IMPACT: variants seen among roughly 807,000 people sequenced by gnomAD.
The protein encoded by IMPACT is impact RWD domain protein.
In IMPACT, 35 loss-of-function variants were observed where a neutral mutation model predicts 47.5. The observed-to-expected ratio is 0.74, with a 90% CI of 0.56 to 0.98. The LOEUF is 0.98. IMPACT is among the 50% of genes least tolerant of loss of function. The probability of loss-of-function intolerance (pLI) is 0.00; values close to 1 mark genes in which losing one functional copy is unlikely to be tolerated. For synonymous variants in IMPACT, 118 were observed against 125.6 expected (o/e 0.94, Z 0.40); for missense variants, 373 against 394.8 (o/e 0.94, Z 0.47).
chr18:24,437,816 C>G, intron 4 of IMPACT, 139 bp from the exon 5 acceptor site: 1 of 579,486 alleles, frequency 1.7e-6, no homozygotes, highest in South Asian at 2.3e-5. Flanking sequence ...TGATAAACCC[C>G]AGGTTTTTAT....
At chr18:24,441,926 T>C (rs1909125261) in intron 6 of IMPACT, among the ~76,000 whole-genome samples, 1 of 152,220 alleles carries the variant, frequency 6.6e-6, no homozygotes, top group Non-Finnish European at 1.5e-5. Flanking sequence ...ATACTATCAA[T>C]TGGTCAGTAG....
intron 4 of IMPACT, among the ~76,000 whole-genome samples, chr18:24,432,651 C>T (rs1599761743): frequency 6.6e-6 from 1 of 152,020 alleles, no homozygotes; most frequent in East Asian, 1.9e-4. Flanking sequence ...TTTTGTGCCC[C>T]CAACAAACTT....
At chr18:24,430,476 A>G (rs1908724586) in intron 4 of IMPACT, 92 bp downstream of exon 4, 2 of 855,108 alleles carry the variant, frequency 2.3e-6, no homozygotes, top group Non-Finnish European at 3.6e-6. Flanking sequence ...GAACCTCTCT[A>G]AACTTTTTAA....
At chr18:24,449,678 T>C (rs2144351030) in intron 9 of IMPACT, 141 bp from the exon 10 acceptor site, 3 of 651,422 alleles carry the variant, frequency 4.6e-6, no homozygotes, top group South Asian at 3.9e-5. Context: ...CAGTGCCTAC[T>C]CACTCATATG....
rs1909413172 is a variant in IMPACT at position 24,452,550 on chromosome 18, T to C, written c.*1703T>C. The C allele has an allele frequency of 6.6e-6, 1 of 152,170 alleles. No individual in the cohort carries two copies. The highest frequency in any genetic ancestry group is 6.6e-5 in the Admixed American group (1 of 15,264). 9.4% of individuals were successfully genotyped at this position (152,170 alleles called of 1,614,324 possible). On this transcript the variant is annotated 3_prime_UTR_variant, in exon 11 of 11. Coordinates refer to ENST00000284202, the MANE Select transcript of IMPACT (RefSeq NM_018439.4). The stretch of plus-strand genomic sequence containing the variant: ...TTATACAGAATTATTAACTATATTT[T>C]ACTAACTAAAAAACTCTAGTATTCT...
At position 24,434,499 on chromosome 18, in the gene IMPACT, G is replaced by A. The variant is rs192017663; in HGVS notation, c.282-3456G>A. ...ATACTTAAAAATATATTGGCCAGGC[G>A]CAGTGGCTCATGCCTGTAATCCCAG... On this transcript the variant is annotated intron_variant, in intron 4 of 10. Coordinates refer to ENST00000284202, the MANE Select transcript of IMPACT (RefSeq NM_018439.4). Among the ~76,000 whole-genome samples, 656 of 152,166 alleles carry A rather than the reference G, an allele frequency of 4.3e-3. 4 individuals carry two copies. The highest frequency in any genetic ancestry group is 0.014 in the African/African-American group (598 of 41,518).
rs1909292376 is a variant in IMPACT at position 24,448,166 on chromosome 18, C to T, written c.742C>T (p.Leu248Phe). ...TGGGGAAACAGCAGCTGGTGGGCGT[C>T]TTCTTCATCTCATGGAGGTAGGTGT... is the stretch of plus-strand genomic sequence containing the variant. ...DDGETAAGGRLLHLMEILNVK... is the reference protein window; with the variant it reads ...DDGETAAGGRFLHLMEILNVK... Residue 248 changes from leucine (L) to phenylalanine (F), a missense_variant, in exon 9 of 11, where the codon CTT becomes TTT. By Grantham distance (22) the Leu-to-Phe change is conservative. Transcript: ENST00000284202. 3 of 1,612,442 alleles carry T rather than the reference C, an allele frequency of 1.9e-6. No individual in the cohort carries two copies. The highest frequency in any genetic ancestry group is 2.5e-6 in the Non-Finnish European group (3 of 1,178,562).
In IMPACT at chr18:24,451,581, C is replaced by T. The variant is rs1024401541; in HGVS notation, c.*734C>T. ...AATAAATATGGAGTGTCAGTAGTCT[C>T]CTTCCACCCCAGAAATGTGTTGGTG... On this transcript the variant is annotated 3_prime_UTR_variant, in exon 11 of 11. Transcript: ENST00000284202. 2 of 152,146 alleles carry T rather than the reference C, an allele frequency of 1.3e-5. No individual in the cohort carries two copies. The highest frequency in any genetic ancestry group is 1.9e-4 in the East Asian group (1 of 5,200). The allele number at this position is 152,146 out of a possible 1,614,324, so 9.4% of individuals were successfully genotyped here.
chr18:24,447,060 G>A (rs979268621), intron 8 of IMPACT, among the ~76,000 whole-genome samples: 2 of 151,928 alleles, frequency 1.3e-5, no homozygotes, highest in Non-Finnish European at 2.9e-5. Context: ...CAACAATCTT[G>A]TATCTAAGCT....
At chr18:24,428,943 A>G (rs753386593) in intron 3 of IMPACT, 22 bp downstream of exon 3, 1 of 1,555,908 alleles carries the variant, frequency 6.4e-7, no homozygotes, top group Non-Finnish European at 8.8e-7. Flanking sequence ...TTCTACGTTT[A>G]TATTGCTATA....
At chr18:24,428,462 A>G (rs1261943172) in intron 2 of IMPACT, among the ~76,000 whole-genome samples, 1 of 152,202 alleles carries the variant, frequency 6.6e-6, no homozygotes, top group Non-Finnish European at 1.5e-5. Context: ...TGTAGTTAGG[A>G]TAAAATAAAT....
chr18:24,450,445 T>C (rs1367675320), intron 10 of IMPACT, among the ~76,000 whole-genome samples: 1 of 152,232 alleles, frequency 6.6e-6, no homozygotes, highest in African/African-American at 2.4e-5. Flanking sequence ...TATGTTCATA[T>C]CTGCCTTATT....
rs145309473 is a variant in IMPACT, at chr18:24,428,731, T to C, written c.166-138T>C. 4,404 of 594,686 alleles carry C rather than the reference T, an allele frequency of 7.4e-3. 68 individuals are homozygous for C. Among genetic ancestry groups the C allele is most frequent in the Non-Finnish European group, 5.9e-3 (1,974 of 335,828 alleles). The allele number at this position is 594,686 out of a possible 1,614,324, so 36.8% of individuals were successfully genotyped here. A position where few individuals can be genotyped will look rare whatever the true frequency, so the allele number is the denominator to read the frequency against. On this transcript the variant is annotated intron_variant, in intron 2 of 10. Coordinates refer to ENST00000284202, the MANE Select transcript of IMPACT (RefSeq NM_018439.4). ...ACTTCATCCACTTGGGGTCAGGGTA[T>C]AATGTCCATATTTCAGTTTTCCTTT...
At chr18:24,446,834 C>T (rs573071897) in intron 8 of IMPACT, among the ~76,000 whole-genome samples, 20 of 152,248 alleles carry the variant, frequency 1.3e-4, no homozygotes, top group African/African-American at 4.6e-4. Flanking sequence ...TTAAAATGGG[C>T]TGTAAAAATT....
intron 7 of IMPACT, among the ~76,000 whole-genome samples, chr18:24,443,772 G>T (rs1909177743): frequency 6.6e-6 from 1 of 152,046 alleles, no homozygotes; most frequent in Non-Finnish European, 1.5e-5. Flanking sequence ...GGATATAAAT[G>T]GGAGAGGTTT....
chr18:24,443,605 A>G (rs1359423622), intron 7 of IMPACT, among the ~76,000 whole-genome samples: 1 of 152,202 alleles, frequency 6.6e-6, no homozygotes, highest in Non-Finnish European at 1.5e-5. Context: ...AAAAAGAATT[A>G]TTTGTCCTGT....
At chr18:24,434,521 C>G (rs1252214103) in intron 4 of IMPACT, among the ~76,000 whole-genome samples, 3 of 151,838 alleles carry the variant, frequency 2.0e-5, no homozygotes, top group African/African-American at 4.8e-5. Flanking sequence ...GCCTGTAATC[C>G]CAGCACTTTG....
chr18:24,428,092 G>C, intron 2 of IMPACT, 45 bp downstream of exon 2: 1 of 1,499,256 alleles, frequency 6.7e-7, no homozygotes, highest in Non-Finnish European at 9.0e-7. Context: ...GTTACAGTAT[G>C]AACTATATTG....
chr18:24,437,907 G>A, intron 4 of IMPACT, 48 bp from the exon 5 acceptor site: 2 of 862,272 alleles, frequency 2.3e-6, no homozygotes, highest in Non-Finnish European at 3.9e-6. Flanking sequence ...AATTTGAGAA[G>A]ATGATTTTTG....
Sources: allele counts gnomAD v4.1 joint callset (sites outside exome capture counted in the v4.1 genomes callset), GRCh38; gene constraint gnomAD v4.1.1; transcripts MANE v1.5; gene names NCBI Gene and HGNC (gene_info 2026-07-23, HGNC 2026-07-21).